ZFHX3: variants seen among roughly 807,000 people sequenced by gnomAD.
The protein encoded by ZFHX3 is zinc finger homeobox 3, also known as zinc finger homeobox protein 3.
In ZFHX3, 42 loss-of-function variants were observed where a neutral mutation model predicts 279.1. The observed-to-expected ratio is 0.15, with a 90% CI of 0.12 to 0.19. The LOEUF (loss-of-function observed/expected upper bound fraction) is 0.19, where lower values mean the gene tolerates loss of function less well. Ranked by LOEUF, ZFHX3 falls within the 10% of genes least tolerant of loss-of-function variation. The probability of loss-of-function intolerance (pLI) is 1.00; values close to 1 mark genes in which losing one functional copy is unlikely to be tolerated. For synonymous variants in ZFHX3, 2,293 were observed against 1,957.8 expected (o/e 1.17, Z -4.52); for missense variants, 4,981 against 4,754.0 (o/e 1.05, Z -1.40).
intron 2 of ZFHX3, among the ~76,000 whole-genome samples, chr16:73,482,559 T>C (rs1238146658): frequency 6.6e-6 from 1 of 152,162 alleles, no homozygotes; most frequent in East Asian, 1.9e-4. Context: ...CCAGGCTGTG[T>C]AGGGCTTTAG....
intron 5 of ZFHX3, among the ~76,000 whole-genome samples, chr16:73,183,633 C>G (rs997007485): frequency 2.0e-5 from 3 of 152,128 alleles, no homozygotes; most frequent in Admixed American, 6.5e-5. Flanking sequence ...CGCTGTCTTA[C>G]GTTTGGGAAA....
chr16:73,362,710 A>G (rs2016453553), intron 3 of ZFHX3, among the ~76,000 whole-genome samples: 1 of 152,248 alleles, frequency 6.6e-6, no homozygotes, highest in Admixed American at 6.5e-5. Flanking sequence ...TGTCCTCATG[A>G]CTGTATAGTT....
intron 4 of ZFHX3, among the ~76,000 whole-genome samples, chr16:72,864,118 GAAA>G (rs566874099): frequency 2.7e-5 from 4 of 148,338 alleles, no homozygotes; most frequent in African/African-American, 9.9e-5. Flanking sequence ...ACTCCATCTC[GAAA>G]AAAAAAAATT....
In ZFHX3 at chr16:72,959,023, C is replaced by A; in HGVS notation, c.1123G>T (p.Gly375Trp). Residue 375 changes from glycine (G) to tryptophan (W), a missense_variant, in exon 2 of 10, where the codon GGG (glycine) becomes TGG (tryptophan). Physicochemically the swap from Gly to Trp is radical, Grantham distance 184 (BLOSUM62 -2). Around this residue, in one of 7 missense-constraint regions of ZFHX3, gnomAD observed 1,068 missense variants for 935.2 expected, o/e 1.14. Transcript: ENST00000268489. The stretch of plus-strand genomic sequence containing the variant: ...GAGCCCGCTGGGAGAGCTTCCTCCC[C>A]TTCCATTCGAATGCCACTAAATTTA... ...YGKFSGIRMEGEEALPAGSAA... is the reference protein window; with the variant it reads ...YGKFSGIRMEWEEALPAGSAA... The A allele has an allele frequency of 6.2e-7, 1 of 1,612,970 alleles. No homozygotes were observed. The highest frequency in any genetic ancestry group is 8.5e-7 in the Non-Finnish European group (1 of 1,179,410).
At chr16:73,392,792 C>T (rs2017045432) in intron 3 of ZFHX3, among the ~76,000 whole-genome samples, 1 of 151,964 alleles carries the variant, frequency 6.6e-6, no homozygotes, top group Admixed American at 6.6e-5. Context: ...GATGAAACGT[C>T]GAATAAGGCA....
At chr16:73,217,790 C>T (rs183707093) in intron 5 of ZFHX3, among the ~76,000 whole-genome samples, 10 of 152,180 alleles carry the variant, frequency 6.6e-5, no homozygotes, top group African/African-American at 2.2e-4. Context: ...AAAGAAGCCT[C>T]CCTGTTTACA....
chr16:73,682,848 G>A (rs534398315), intron 1 of ZFHX3, among the ~76,000 whole-genome samples: 1 of 103,792 alleles, frequency 9.6e-6, no homozygotes, highest in South Asian at 3.5e-4. Flanking sequence ...GAGAAAAAAA[G>A]AAAGAGAAAG....
chr16:72,965,917 A>C (rs1961815098), intron 1 of ZFHX3, among the ~76,000 whole-genome samples: 1 of 152,214 alleles, frequency 6.6e-6, no homozygotes, highest in Non-Finnish European at 1.5e-5. Flanking sequence ...AAACCGAAAA[A>C]TACCCTTACT....
chr16:73,255,016 G>A (rs967818282), intron 5 of ZFHX3, among the ~76,000 whole-genome samples: 1 of 152,122 alleles, frequency 6.6e-6, no homozygotes, highest in Non-Finnish European at 1.5e-5. Context: ...ATTGCACTGA[G>A]ATACGAACAT....
At chr16:73,380,824 G>GT (rs1426946638) in intron 3 of ZFHX3, among the ~76,000 whole-genome samples, 1 of 152,160 alleles carries the variant, frequency 6.6e-6, no homozygotes, top group Admixed American at 6.5e-5. Context: ...GGGAAACACA[G>GT]TGAGACCCCA....
chr16:73,707,897 G>A (rs1275729297), intron 1 of ZFHX3, among the ~76,000 whole-genome samples: 1 of 152,120 alleles, frequency 6.6e-6, no homozygotes, highest in East Asian at 1.9e-4. Flanking sequence ...AAGGAACTGA[G>A]AGCTTGAAGA....
At chr16:73,384,568 C>G (rs2016867292) in intron 3 of ZFHX3, among the ~76,000 whole-genome samples, 1 of 152,242 alleles carries the variant, frequency 6.6e-6, no homozygotes, top group African/African-American at 2.4e-5. Context: ...ACAGCATGAA[C>G]TTGGCCCTGC....
chr16:73,729,158 A>G (rs907278296), intron 1 of ZFHX3, among the ~76,000 whole-genome samples: 3 of 152,168 alleles, frequency 2.0e-5, no homozygotes, highest in Admixed American at 2.0e-4. Context: ...AAGGAATTCC[A>G]GTTCCTCATG....
chr16:73,875,993 T>C (rs973292111), intron 1 of ZFHX3, among the ~76,000 whole-genome samples: 1 of 152,212 alleles, frequency 6.6e-6, no homozygotes, highest in Non-Finnish European at 1.5e-5. Flanking sequence ...TTCTTAGCCA[T>C]AGTAATATTT....
At chr16:73,847,406 T>A (rs544731905) in intron 1 of ZFHX3, among the ~76,000 whole-genome samples, 1 of 152,074 alleles carries the variant, frequency 6.6e-6, no homozygotes, top group Non-Finnish European at 1.5e-5. Context: ...CCCTGGAAAA[T>A]GCATTCCCAT....
rs1318436163 is a variant in ZFHX3, at chr16:73,334,056, G to A, written c.-1290-15720C>T. Among the ~76,000 whole-genome samples the A allele has an allele frequency of 6.7e-4, 102 of 152,326 alleles. 1 individual carries two copies. The highest frequency in any genetic ancestry group is 5.9e-5 in the Non-Finnish European group (4 of 68,038). On this transcript the variant is annotated intron_variant, in intron 3 of 17. Coordinates refer to the ZFHX3 transcript ENST00000641206. ...GTCCAGGATGCAATCAGACAGAGAA[G>A]AGGATGGGGTCAAGGACATGGCTTA...
chr16:73,465,236 C>T (rs1424756745), intron 2 of ZFHX3, among the ~76,000 whole-genome samples: 1 of 152,210 alleles, frequency 6.6e-6, no homozygotes. Context: ...CAGAGGACAG[C>T]TCAAAACACA....
chr16:73,284,867 C>T (rs1457360224), intron 4 of ZFHX3, among the ~76,000 whole-genome samples: 2 of 152,086 alleles, frequency 1.3e-5, no homozygotes, highest in South Asian at 2.1e-4. Flanking sequence ...TTTTAAGACA[C>T]GGTCTCTCCC....
At chr16:72,895,856 CAGAT>C (rs1354967312) in intron 3 of ZFHX3, among the ~76,000 whole-genome samples, 1 of 151,652 alleles carries the variant, frequency 6.6e-6, no homozygotes, top group East Asian at 1.9e-4. Flanking sequence ...CATAGATAAA[CAGAT>C]AGGTAGATTA....
Sources: allele counts gnomAD v4.1 joint callset (sites outside exome capture counted in the v4.1 genomes callset), GRCh38; gene constraint gnomAD v4.1.1; regional missense constraint gnomAD v4.1.1; transcripts MANE v1.5; gene names NCBI Gene and HGNC (gene_info 2026-07-23, HGNC 2026-07-21).